Variants in ASAP2 observed in about 807,000 individuals in gnomAD.
ASAP2 encodes the protein arf-GAP with SH3 domain, ANK repeat and PH domain-containing protein 2.
A neutral mutation model predicts 131.4 loss-of-function variants in ASAP2; 45 were observed. That is an observed-to-expected ratio of 0.34 (90% CI 0.27 to 0.44). The LOEUF (loss-of-function observed/expected upper bound fraction) is 0.44, where lower values mean the gene tolerates loss of function less well. Among genes scored for constraint, ASAP2 ranks in the 20% least tolerant of loss-of-function variants. The pLI is 1.00. For synonymous variants in ASAP2, 510 were observed against 503.0 expected, an observed-to-expected ratio of 1.01 and a Z score of -0.19; for missense variants, 1,011 against 1,297.0, an observed-to-expected ratio of 0.78 and a Z score of 3.39.
chr2:9,209,831 A>G (rs1661407318), intron 1 of ASAP2, among the ~76,000 whole-genome samples: 2 of 152,238 alleles, frequency 1.3e-5, no homozygotes, highest in Admixed American at 1.3e-4. Context: ...AGCCTCCCAC[A>G]GTGCTGGGAT....
intron 3 of ASAP2, among the ~76,000 whole-genome samples, chr2:9,308,979 G>A (rs1669122712): frequency 6.6e-6 from 1 of 152,170 alleles, no homozygotes; most frequent in Non-Finnish European, 1.5e-5. Flanking sequence ...AGAACAGAGA[G>A]CTGTCCTTTG....
intron 1 of ASAP2, among the ~76,000 whole-genome samples, chr2:9,272,203 A>G (rs1666447013): frequency 6.6e-6 from 1 of 152,108 alleles, no homozygotes; most frequent in African/African-American, 2.4e-5. Context: ...CCTTTTCTCC[A>G]CATCCCCACA....
At chr2:9,241,062 T>C (rs770772937) in intron 1 of ASAP2, among the ~76,000 whole-genome samples, 11 of 152,382 alleles carry the variant, frequency 7.2e-5, no homozygotes, top group Non-Finnish European at 1.5e-4. Context: ...TGCTTATTTC[T>C]GGACTTTTCT....
At chr2:9,317,800 TCA>T (rs1040498574) in intron 3 of ASAP2, among the ~76,000 whole-genome samples, 17 of 136,586 alleles carry the variant, frequency 1.2e-4, no homozygotes, top group African/African-American at 2.9e-4. Flanking sequence ...ACAATCGCAT[TCA>T]CACACTCACA....
chr2:9,359,586 TGTTGACA>T lies in ASAP2; in HGVS notation c.1461+700_1461+706del, dbSNP rs556328495. On this transcript the variant is annotated intron_variant, in intron 15 of 27. Transcript: ENST00000281419. ...TGAATTCTCTCCTGGGATAGCTGGA[TGTTGACA>T]GTAAACAGTAAGTAGATAGTGATTG... 2.9e-4 allele frequency among the ~76,000 whole-genome samples: 44 copies of T among 152,348 alleles called. 1 individual carries two copies. In the South Asian group the frequency reaches 8.9e-3, roughly 31 times the overall value.
intron 15 of ASAP2, among the ~76,000 whole-genome samples, chr2:9,367,950 C>T (rs1462738886): frequency 6.6e-6 from 1 of 152,230 alleles, no homozygotes; most frequent in Non-Finnish European, 1.5e-5. Flanking sequence ...CTCAGGGAAA[C>T]TGACTTGCCT....
At position 9,217,716 on chromosome 2, in the gene ASAP2, G is replaced by T. The variant is rs925876820; in HGVS notation, c.126+10486G>T. Among the ~76,000 whole-genome samples the T allele has an allele frequency of 2.0e-5, 3 of 151,598 alleles. No individual in the cohort carries two copies. The highest frequency in any genetic ancestry group is 7.3e-5 in the African/African-American group (3 of 41,202). ...TGCAAGCTCCGCCTCCTGGGTTCAC[G>T]CCATTCTTCTGTCTCCGCCTCCCGA... On this transcript the variant is annotated intron_variant, in intron 1 of 27. Transcript: ENST00000281419. This position sits in a 1 kb window ranked among gnomAD's most constrained non-coding sequence, Gnocchi z 4.0.
chr2:9,272,298 C>T (rs1004334516), intron 1 of ASAP2, among the ~76,000 whole-genome samples: 5 of 152,154 alleles, frequency 3.3e-5, no homozygotes, highest in African/African-American at 1.2e-4. Flanking sequence ...TTGCATTGCT[C>T]GGATGATCAA....
At chr2:9,368,264 C>T (rs942176346) in intron 15 of ASAP2, among the ~76,000 whole-genome samples, 161 bp from the exon 16 acceptor site, 1 of 152,094 alleles carries the variant, frequency 6.6e-6, no homozygotes, top group African/African-American at 2.4e-5. Flanking sequence ...TTTATGGGTA[C>T]CTTTGGGCTT....
chr2:9,321,564 C>T (rs754642611), intron 5 of ASAP2, among the ~76,000 whole-genome samples: 3 of 152,086 alleles, frequency 2.0e-5, no homozygotes, highest in Non-Finnish European at 4.4e-5. Context: ...GTGGTTTCTG[C>T]TTGTCAGCCA....
chr2:9,361,610 C>G (rs1291452906), intron 15 of ASAP2, among the ~76,000 whole-genome samples: 1 of 151,840 alleles, frequency 6.6e-6, no homozygotes, highest in African/African-American at 2.4e-5. Context: ...CTCCATGACC[C>G]AGGCTGGAGT....
At position 9,403,280 on chromosome 2, in the gene ASAP2, C is replaced by T. The variant is rs758469629; in HGVS notation, c.2974C>T (p.Arg992Cys). Residue 992 changes from arginine to cysteine, a missense_variant, in exon 28 of 28, where the codon CGC (arginine) becomes TGC (cysteine). Around this residue, in one of 2 missense-constraint regions of ASAP2, gnomAD observed 652 missense variants for 698.9 expected, o/e 0.93. Coordinates refer to ENST00000281419, the MANE Select transcript of ASAP2 (RefSeq NM_003887.3). Reference protein sequence around the residue: ...WIGHIDGDPGRKGAFPVSFVH... With the variant: ...WIGHIDGDPGCKGAFPVSFVH... ...TGGCCACATTGATGGAGATCCTGGTCGCAAAGGCGCATTCCCGGTGTCATT... is the reference window on the plus strand; with the variant it reads ...TGGCCACATTGATGGAGATCCTGGTTGCAAAGGCGCATTCCCGGTGTCATT... 1.3e-5 allele frequency: 21 copies of T among 1,614,014 alleles called. No individual in the cohort carries two copies. Among genetic ancestry groups the T allele is most frequent in the Middle Eastern group, 1.6e-4 (1 of 6,084 alleles).
chr2:9,282,060 T>A (rs916401628), intron 2 of ASAP2, among the ~76,000 whole-genome samples: 3 of 152,210 alleles, frequency 2.0e-5, no homozygotes, highest in Non-Finnish European at 4.4e-5. Context: ...GAAAGAAAAC[T>A]GAGGTCCAAG....
intron 16 of ASAP2, among the ~76,000 whole-genome samples, chr2:9,369,989 C>T (rs1031437909): frequency 6.6e-6 from 1 of 152,170 alleles, no homozygotes; most frequent in Non-Finnish European, 1.5e-5. Context: ...CAGGCACATG[C>T]CACCACACCC....
chr2:9,387,076 GGT>G (rs1553328889), intron 21 of ASAP2, among the ~76,000 whole-genome samples: 2 of 125,968 alleles, frequency 1.6e-5, no homozygotes, highest in Non-Finnish European at 3.0e-5. Context: ...CTTGGTGGTG[GGT>G]GGGGGGGCGC....
At chr2:9,394,159 C>CTTTTTT (rs71389241) in intron 24 of ASAP2, among the ~76,000 whole-genome samples, 8 of 81,780 alleles carry the variant, frequency 9.8e-5, no homozygotes, top group Non-Finnish European at 1.4e-4. Context: ...TAGTTTGTGG[C>CTTTTTT]TTTTTTTTTT....
At chr2:9,346,620 C>T (rs760565468) in intron 11 of ASAP2, among the ~76,000 whole-genome samples, 13 of 152,134 alleles carry the variant, frequency 8.5e-5, no homozygotes, top group East Asian at 1.9e-4. Flanking sequence ...GGTTTGCTTT[C>T]GAATTGGTGT....
At position 9,356,174 on chromosome 2, in the gene ASAP2, T is replaced by C. The variant is rs1672688021; in HGVS notation, c.1161-5T>C. ...TTTAACACAGCGTTGCTCTTGTTTT[T>C]CTAGATGGATGTCTGTGCTGCAAAA... On this transcript the variant is annotated splice_polypyrimidine_tract_variant and splice_region_variant and intron_variant, in intron 13 of 27. Coordinates refer to ENST00000281419, the MANE Select transcript of ASAP2 (RefSeq NM_003887.3). 1 of 1,614,108 alleles carries C rather than the reference T, an allele frequency of 6.2e-7. No individual in the cohort carries two copies. The highest frequency in any genetic ancestry group is 8.5e-7 in the Non-Finnish European group (1 of 1,179,924).
At chr2:9,208,392 G>C (rs1278352804) in intron 1 of ASAP2, among the ~76,000 whole-genome samples, 1 of 150,934 alleles carries the variant, frequency 6.6e-6, no homozygotes, top group Non-Finnish European at 1.5e-5. Flanking sequence ...TGAAGCAATG[G>C]CGTTATTTTT....
Sources: gnomAD v4.1 joint callset for allele counts (sites outside exome capture counted in the v4.1 genomes callset) on GRCh38, gnomAD v4.1.1 for gene constraint, gnomAD v4.1.1 regional missense constraint, Gnocchi (gnomAD v3.1) non-coding constraint, MANE v1.5 for transcripts, NCBI Gene and HGNC (gene_info 2026-07-23, HGNC 2026-07-21) for gene names.